ZNF658: variants seen among roughly 807,000 people sequenced by gnomAD.
The protein encoded by ZNF658 is zinc finger protein 658.
A neutral mutation model predicts 78.0 loss-of-function variants in ZNF658; 46 were observed. The ratio of observed to expected loss-of-function variants is 0.59; its 90% confidence interval spans 0.47 to 0.75. The LOEUF is 0.75. Ranked by LOEUF, ZNF658 falls within the 30% of genes least tolerant of loss-of-function variation. The probability of loss-of-function intolerance (pLI) is 0.00; values close to 1 mark genes in which losing one functional copy is unlikely to be tolerated. For synonymous variants in ZNF658, 279 were observed against 408.4 expected, an observed-to-expected ratio of 0.68 and a Z score of 3.82; for missense variants, 785 against 1,189.3, an observed-to-expected ratio of 0.66 and a Z score of 5.00.
chr9:66,913,436 A>C (rs1228483311), intron 4 of ZNF658, among the ~76,000 whole-genome samples: 1 of 151,646 alleles, frequency 6.6e-6, no homozygotes, highest in Non-Finnish European at 1.5e-5. Flanking sequence ...GGAAGGAAAA[A>C]AAAAAAAAAG....
At chr9:66,905,594 A>T in intron 2 of ZNF658, among the ~76,000 whole-genome samples, 2 of 140,976 alleles carry the variant, frequency 1.4e-5, no homozygotes, top group Non-Finnish European at 3.1e-5. Context: ...TCTGTTTCTC[A>T]CTGCATAATC....
At chr9:66,902,726 T>G (rs1369699552) in intron 1 of ZNF658, among the ~76,000 whole-genome samples, 1 of 151,940 alleles carries the variant, frequency 6.6e-6, no homozygotes, top group Non-Finnish European at 1.5e-5. Flanking sequence ...TTTCCTATAT[T>G]GGAAGCCCAA....
At chr9:66,907,557 A>C (rs993412873) in intron 2 of ZNF658, among the ~76,000 whole-genome samples, 8 of 152,004 alleles carry the variant, frequency 5.3e-5, no homozygotes, top group African/African-American at 1.9e-4. Context: ...GTCTACATCT[A>C]TGAGTTTGAA....
intron 6 of ZNF658, among the ~76,000 whole-genome samples, chr9:66,930,543 C>T (rs554863504): frequency 1.6e-4 from 24 of 151,678 alleles, no homozygotes; most frequent in Admixed American, 2.6e-4. Flanking sequence ...GGCATGGTGG[C>T]TCACGCCTGT....
chr9:66,908,845 A>G, intron 4 of ZNF658, 111 bp downstream of exon 4: 2 of 664,908 alleles, frequency 3.0e-6, no homozygotes, highest in South Asian at 1.8e-5. Flanking sequence ...TCACATGCCT[A>G]CAATTCACTC....
intron 4 of ZNF658, among the ~76,000 whole-genome samples, chr9:66,909,090 C>A (rs1822152775): frequency 6.6e-6 from 1 of 151,700 alleles, no homozygotes; most frequent in South Asian, 2.1e-4. Flanking sequence ...AAATACTATG[C>A]CATTTTGTAT....
At chr9:66,917,365 C>T (rs1822360045) in intron 4 of ZNF658, among the ~76,000 whole-genome samples, 1 of 146,712 alleles carries the variant, frequency 6.8e-6, no homozygotes, top group African/African-American at 2.6e-5. Flanking sequence ...TGTCTGTGTG[C>T]ATGAAGTATT....
chr9:66,914,369 A>G (rs1008306331), intron 4 of ZNF658, among the ~76,000 whole-genome samples: 1 of 151,982 alleles, frequency 6.6e-6, no homozygotes, highest in Non-Finnish European at 1.5e-5. Context: ...TGCCCTTGCT[A>G]AAAACACTTA....
chr9:66,921,967 G>C (rs1164028943), downstream of ZNF658, among the ~76,000 whole-genome samples: 2 of 121,794 alleles, frequency 1.6e-5, no homozygotes, highest in African/African-American at 6.2e-5. Context: ...TACAGAGGCA[G>C]GCAGGCCTCC....
At position 66,920,057 on chromosome 9, in the gene ZNF658, T is replaced by C. The variant is rs2118100653; in HGVS notation, c.2491T>C (p.Cys831Arg). The C allele has an allele frequency of 1.9e-6, 3 of 1,613,400 alleles. No individual in the cohort carries two copies. Among genetic ancestry groups the C allele is most frequent in the Non-Finnish European group, 2.5e-6 (3 of 1,179,928 alleles). Residue 831 changes from cysteine (C) to arginine (R), a missense_variant, in exon 5 of 5, where the codon TGT becomes CGT. Cys to Arg is a radical substitution (Grantham distance 180). Coordinates refer to ENST00000621410, the MANE Select transcript of ZNF658 (RefSeq NM_033160.7). ...TGEKPYECNQ[C>R]GKTFSQRTHL... ...GGAGAAACCCTATGAATGTAACCAATGTGGGAAAACTTTCTCCCAAAGAAC... is the reference window on the plus strand; with the variant it reads ...GGAGAAACCCTATGAATGTAACCAACGTGGGAAAACTTTCTCCCAAAGAAC...
At chr9:66,909,692 G>T (rs542823777) in intron 4 of ZNF658, among the ~76,000 whole-genome samples, 1 of 152,224 alleles carries the variant, frequency 6.6e-6, no homozygotes, top group Non-Finnish European at 1.5e-5. Flanking sequence ...CAGCATATGG[G>T]GGTTCTGATT....
At chr9:66,931,847 G>A (rs1449882778) in intron 6 of ZNF658, among the ~76,000 whole-genome samples, 1 of 148,112 alleles carries the variant, frequency 6.8e-6, no homozygotes, top group South Asian at 2.2e-4. Flanking sequence ...TATTGAAGCA[G>A]TCACATTGGC....
downstream of ZNF658, among the ~76,000 whole-genome samples, chr9:66,923,266 G>T (rs1338522891): frequency 6.6e-6 from 1 of 151,390 alleles, no homozygotes; most frequent in Non-Finnish European, 1.5e-5. Flanking sequence ...AAAGATGAAG[G>T]CCAGAACACT....
intron 4 of ZNF658, among the ~76,000 whole-genome samples, chr9:66,912,246 C>A: frequency 4.3e-5 from 4 of 92,664 alleles, no homozygotes; most frequent in East Asian, 2.7e-4. Flanking sequence ...TAGATCAAAA[C>A]AAAACAAAAA....
chr9:66,924,020 G>A (rs1356134798), downstream of ZNF658, among the ~76,000 whole-genome samples: 24 of 149,464 alleles, frequency 1.6e-4, no homozygotes, highest in Non-Finnish European at 2.7e-4. Context: ...GAATGGTGGC[G>A]GGCACCTGTA....
At chr9:66,902,865 A>T (rs367761438) in intron 1 of ZNF658, 5 of 151,410 alleles carry the variant, frequency 3.3e-5, no homozygotes, top group Non-Finnish European at 7.4e-5. Flanking sequence ...TTTAAAAAAA[A>T]TTATTTTTAA....
chr9:66,910,192 A>G (rs1452416220), intron 4 of ZNF658, among the ~76,000 whole-genome samples: 3 of 152,192 alleles, frequency 2.0e-5, no homozygotes, highest in Non-Finnish European at 4.4e-5. Flanking sequence ...AAATAAGTCT[A>G]TAACAATTTC....
chr9:66,911,587 GT>G (rs1330809365), intron 4 of ZNF658, among the ~76,000 whole-genome samples: 1 of 101,396 alleles, frequency 9.9e-6, no homozygotes, highest in East Asian at 2.5e-4. Context: ...GAAATGGAAT[GT>G]TTCTTACAAG....
downstream of ZNF658, among the ~76,000 whole-genome samples, chr9:66,924,589 TATAA>T (rs199799833): frequency 0.032 from 3,858 of 121,092 alleles, 125 homozygotes; most frequent in East Asian, 0.21. Context: ...AACCTAACTA[TATAA>T]ATAATCATAT....
Sources: allele counts gnomAD v4.1 joint callset (sites outside exome capture counted in the v4.1 genomes callset), GRCh38; gene constraint gnomAD v4.1.1; transcripts MANE v1.5; gene names NCBI Gene and HGNC (gene_info 2026-07-23, HGNC 2026-07-21).